Variants in PCDHGB4 observed in about 807,000 individuals in gnomAD.
The protein encoded by PCDHGB4 is protocadherin gamma-B4.
In PCDHGB4, 38 loss-of-function variants were observed where a neutral mutation model predicts 60.5. The ratio of observed to expected loss-of-function variants is 0.63; its 90% CI spans 0.48 to 0.82. The LOEUF (loss-of-function observed/expected upper bound fraction) is 0.82, where lower values mean the gene tolerates loss of function less well. Among genes scored for constraint, PCDHGB4 ranks in the 40% least tolerant of loss-of-function variants. PCDHGB4 has a pLI of 0.00. For missense variants in PCDHGB4, 1,109 were observed against 1,209.6 expected (o/e 0.92, Z 1.23); for synonymous variants, 456 against 509.7 (o/e 0.89, Z 1.42).
At chr5:141,450,565 C>T (rs1024229182) in intron 1 of PCDHGB4, among the ~76,000 whole-genome samples, 2 of 152,016 alleles carry the variant, frequency 1.3e-5, no homozygotes, top group Non-Finnish European at 2.9e-5. Context: ...CGGCTCACTG[C>T]AACTTCTGCC....
At chr5:141,434,920 A>G (rs927245955) in intron 1 of PCDHGB4, among the ~76,000 whole-genome samples, 3 of 151,796 alleles carry the variant, frequency 2.0e-5, no homozygotes, top group East Asian at 1.9e-4. Flanking sequence ...ATTTATGTAC[A>G]TATATTTTAT....
intron 1 of PCDHGB4, chr5:141,413,929 CGAGTGAGTGTTCCT>C: frequency 6.2e-7 from 1 of 1,613,342 alleles, no homozygotes; most frequent in Non-Finnish European, 8.5e-7. Flanking sequence ...GCCAGAATAC[CGAGTGAGTGTTCCT>C]GAGAATTTGC....
intron 1 of PCDHGB4, chr5:141,393,343 A>G (rs751102208): frequency 8.1e-6 from 13 of 1,613,914 alleles, no homozygotes; most frequent in Non-Finnish European, 1.1e-5. Context: ...CCCAATCACC[A>G]CTTCTCCCTG....
In PCDHGB4 at chr5:141,493,668, GC is replaced by G. The variant is rs1178535601; in HGVS notation, c.2398-1135del. On this transcript the variant is annotated intron_variant, in intron 1 of 3. Coordinates refer to ENST00000519479, the MANE Select transcript of PCDHGB4 (RefSeq NM_003736.4). This position sits in a 1 kb window ranked among gnomAD's most constrained non-coding sequence, Gnocchi z 4.3. ...CATCCCTGTGCCCTTCTCCATGGCAGCCCCAGAATGGTGCTGGTGACTCCCG... is the reference window on the plus strand; with the variant it reads ...CATCCCTGTGCCCTTCTCCATGGCAGCCCAGAATGGTGCTGGTGACTCCCG... Among the ~76,000 whole-genome samples the G allele has an allele frequency of 6.6e-6, 1 of 152,140 alleles. No individual in the cohort carries two copies. The highest frequency in any genetic ancestry group is 2.4e-5 in the African/African-American group (1 of 41,422).
intron 1 of PCDHGB4, among the ~76,000 whole-genome samples, chr5:141,468,830 C>T (rs561511870): frequency 2.0e-5 from 3 of 152,170 alleles, no homozygotes; most frequent in East Asian, 1.9e-4. Flanking sequence ...CAAGCCACTG[C>T]ACTCCAGCCT....
chr5:141,392,879 G>C, intron 1 of PCDHGB4: 1 of 1,613,512 alleles, frequency 6.2e-7, no homozygotes, highest in Non-Finnish European at 8.5e-7. Context: ...TGCTGGGAAC[G>C]CTGTGGGAAA....
chr5:141,484,757 T>C (rs2099600412), intron 1 of PCDHGB4, among the ~76,000 whole-genome samples: 1 of 151,626 alleles, frequency 6.6e-6, no homozygotes, highest in East Asian at 1.9e-4. Flanking sequence ...AATGTATATA[T>C]ATATATATGT....
intron 1 of PCDHGB4, chr5:141,403,146 G>A (rs1400601984): frequency 1.9e-6 from 3 of 1,613,938 alleles, no homozygotes; most frequent in African/African-American, 2.7e-5. Flanking sequence ...CGCCGAGTCC[G>A]CATCGTCTCT....
At position 141,487,641 on chromosome 5, in the gene PCDHGB4, T is replaced by C. The variant is rs1343702532; in HGVS notation, c.2398-7166T>C. The stretch of plus-strand genomic sequence containing the variant: ...GTGAGACCTTTGCAGGCTCAACAAA[T>C]GCTTGAGGGTTATTCTGATCCAGGC... On this transcript the variant is annotated intron_variant, in intron 1 of 3. Coordinates refer to ENST00000519479, the MANE Select transcript of PCDHGB4 (RefSeq NM_003736.4). The surrounding 1 kb of genome is among the most constrained non-coding windows in gnomAD (Gnocchi z 5.0). The C allele has an allele frequency of 6.2e-7, 1 of 1,614,122 alleles. No individual in the cohort carries two copies. Among genetic ancestry groups the C allele is most frequent in the Non-Finnish European group, 8.5e-7 (1 of 1,179,998 alleles).
rs775153988 is a variant in PCDHGB4 at position 141,485,268 on chromosome 5, G to A, written c.2398-9539G>A. On this transcript the variant is annotated intron_variant, in intron 1 of 3. Coordinates refer to ENST00000519479, the MANE Select transcript of PCDHGB4 (RefSeq NM_003736.4). This position sits in a 1 kb window ranked among gnomAD's most constrained non-coding sequence, Gnocchi z 5.7. ...CTGGGTTACGTTTGTGGGCAGATCC[G>A]CTACCCGGTCCCAGAGGAGTCACAG... 6.2e-7 allele frequency: 1 copy of A among 1,614,100 alleles called. No homozygotes were observed. Among genetic ancestry groups the A allele is most frequent in the Non-Finnish European group, 8.5e-7 (1 of 1,179,936 alleles).
At chr5:141,448,542 T>G (rs2098594694) in intron 1 of PCDHGB4, among the ~76,000 whole-genome samples, 1 of 152,210 alleles carries the variant, frequency 6.6e-6, no homozygotes, top group Non-Finnish European at 1.5e-5. Flanking sequence ...GCATTTCTTA[T>G]GCAAATATGT....
At chr5:141,394,950 G>C in intron 1 of PCDHGB4, 1 of 1,613,848 alleles carries the variant, frequency 6.2e-7, no homozygotes, top group Non-Finnish European at 8.5e-7. Context: ...TGTGCTTCTG[G>C]GGCTCAGGCT....
chr5:141,450,842 T>TTTTTA, intron 1 of PCDHGB4, among the ~76,000 whole-genome samples: 1 of 148,196 alleles, frequency 6.7e-6, no homozygotes, highest in African/African-American at 2.5e-5. Context: ...TTTTTTTTTT[T>TTTTTA]GAGATGGGGT....
intron 1 of PCDHGB4, chr5:141,471,546 G>T (rs1271594387): frequency 6.6e-6 from 1 of 152,202 alleles, no homozygotes; most frequent in African/African-American, 2.4e-5. Flanking sequence ...AGCATTTAAG[G>T]TTGCTTTGAC....
rs373882091 is a variant in PCDHGB4 at position 141,432,369 on chromosome 5, A to T, written c.2397+42088A>T. 1.2e-6 allele frequency: 2 copies of T among 1,614,104 alleles called. No homozygotes were observed. Among genetic ancestry groups the T allele is most frequent in the African/African-American group, 2.7e-5 (2 of 74,938 alleles). On this transcript the variant is annotated intron_variant, in intron 1 of 3. Transcript: ENST00000519479. The surrounding 1 kb of genome is among the most constrained non-coding windows in gnomAD (Gnocchi z 6.0). Reference sequence around the variant, plus strand: ...CAAGTGAAAGTGATGGCGCGGGACAACGGGCACCCGCCCCTCAGCAGCAAC... The same window carrying T: ...CAAGTGAAAGTGATGGCGCGGGACATCGGGCACCCGCCCCTCAGCAGCAAC...
chr5:141,415,163 C>A, intron 1 of PCDHGB4: 1 of 1,613,856 alleles, frequency 6.2e-7, no homozygotes. Flanking sequence ...GCCACTGTCA[C>A]GCTCACCGTG....
At position 141,389,124 on chromosome 5, in the gene PCDHGB4, C is replaced by T. The variant is rs2091613941; in HGVS notation, c.1240C>T (p.Pro414Ser). The T allele has an allele frequency of 1.2e-6, 2 of 1,613,878 alleles. No homozygotes were observed. The highest frequency in any genetic ancestry group is 2.2e-5 in the South Asian group (2 of 91,092). Reference sequence around the variant, plus strand: ...TGCTGTTCTAGACCGCGAGCAGAATCCAGAGTACAATATAACCGTTACGGC... The same window carrying T: ...TGCTGTTCTAGACCGCGAGCAGAATTCAGAGTACAATATAACCGTTACGGC... ...TDAVLDREQN[P>S]EYNITVTATD... The change falls in exon 1 of 4, where the codon CCA becomes TCA. Residue 414 changes from proline (P) to serine (S), a missense_variant. Coordinates refer to ENST00000519479, the MANE Select transcript of PCDHGB4 (RefSeq NM_003736.4).
chr5:141,432,415 G>A lies in PCDHGB4; in HGVS notation c.2397+42134G>A, dbSNP rs2097498934. The A allele has an allele frequency of 6.2e-7, 1 of 1,614,112 alleles. No homozygotes were observed. The highest frequency in any genetic ancestry group is 1.1e-5 in the South Asian group (1 of 91,092). On this transcript the variant is annotated intron_variant, in intron 1 of 3. Transcript: ENST00000519479. This position sits in a 1 kb window ranked among gnomAD's most constrained non-coding sequence, Gnocchi z 6.0. ...GCAACGTGTCGTTGAGCCTGTTCGT[G>A]CTGGACCAGAACGACAATGCGCCCG... is the stretch of plus-strand genomic sequence containing the variant.
intron 1 of PCDHGB4, among the ~76,000 whole-genome samples, chr5:141,483,432 A>G (rs756227206): frequency 2.0e-5 from 3 of 152,200 alleles, no homozygotes; most frequent in African/African-American, 4.8e-5. Flanking sequence ...GAGGGAGCTG[A>G]CTACAATAAA....
Sources: gnomAD v4.1 joint callset for allele counts (sites outside exome capture counted in the v4.1 genomes callset) on GRCh38, gnomAD v4.1.1 for gene constraint, Gnocchi (gnomAD v3.1) non-coding constraint, MANE v1.5 for transcripts, NCBI Gene and HGNC (gene_info 2026-07-23, HGNC 2026-07-21) for gene names.